PYY: variants seen among roughly 807,000 people sequenced by gnomAD.
PYY encodes peptide YY.
A neutral mutation model predicts 10.3 loss-of-function variants in PYY; 12 were observed. The ratio of observed to expected loss-of-function variants is 1.17; its 90% CI spans 0.75 to 1.89. PYY has a LOEUF of 1.89. Among genes scored for constraint, PYY ranks in the 40% most tolerant of loss-of-function variants. The pLI is 0.00. For synonymous variants in PYY, 66 were observed against 62.0 expected, an observed-to-expected ratio of 1.06 and a Z score of -0.30; for missense variants, 141 against 134.0, an observed-to-expected ratio of 1.05 and a Z score of -0.26.
At chr17:43,985,149 GA>G (rs2048907839) in intron 1 of PYY, among the ~76,000 whole-genome samples, 1 of 152,184 alleles carries the variant, frequency 6.6e-6, no homozygotes, top group South Asian at 2.1e-4. Flanking sequence ...TGGAATACAT[GA>G]AGAGTACCTA....
rs757523473 is a variant in PYY at position 43,952,810 on chromosome 17, G to A, written c.*146C>T. ...ACAGCCCTCCAGCCCAGGGGGCGGG[G>A]GCACCGAGACGCGGGCGGAGGGCCG... On this transcript the variant is annotated 3_prime_UTR_variant, in exon 4 of 4. Coordinates refer to ENST00000692052, the MANE Select transcript of PYY (RefSeq NM_001394028.1). 39 of 836,858 alleles carry A rather than the reference G, an allele frequency of 4.7e-5. No homozygotes were observed. Among genetic ancestry groups the A allele is most frequent in the Non-Finnish European group, 6.6e-5 (36 of 549,048 alleles). The allele number at this position is 836,858 out of a possible 1,614,324, so 51.8% of individuals were successfully genotyped here.
rs571204523 is a variant in PYY at position 43,987,698 on chromosome 17, C to G, written c.-463+16693G>C. On this transcript the variant is annotated intron_variant, in intron 1 of 6. Transcript: ENST00000360085. This position sits in a 1 kb window ranked among gnomAD's most constrained non-coding sequence, Gnocchi z 4.0. Reference sequence around the variant, plus strand: ...ACATTCACTGGGCCCCTCGTCTGTGCCAGTCCTTGCTCCAGGCACTGAGAG... The same window carrying G: ...ACATTCACTGGGCCCCTCGTCTGTGGCAGTCCTTGCTCCAGGCACTGAGAG... 6.6e-6 allele frequency among the ~76,000 whole-genome samples: 1 copy of G among 152,232 alleles called. No homozygotes were observed. Among genetic ancestry groups the G allele is most frequent in the African/African-American group, 2.4e-5 (1 of 41,458 alleles).
At chr17:43,963,566 AAGGAAAAGAAAGAAAGAAAGAAAG>A (rs1248436047) in intron 2 of PYY, among the ~76,000 whole-genome samples, 2 of 119,342 alleles carry the variant, frequency 1.7e-5, no homozygotes, top group African/African-American at 7.0e-5. Flanking sequence ...GGAAGGAAGG[AAGGAAAAGAAAGAAAGAAAGAAAG>A]AAAGAAAGAA....
chr17:43,960,268 C>T (rs1444881595), intron 2 of PYY, among the ~76,000 whole-genome samples: 3 of 152,118 alleles, frequency 2.0e-5, no homozygotes, highest in Admixed American at 6.6e-5. Flanking sequence ...TTTGGCCGGG[C>T]GCGGTAGCTC....
rs79930350 is a variant in PYY, at chr17:43,989,191, G to A, written c.-463+15200C>T. Among the ~76,000 whole-genome samples, 410 of 152,012 alleles carry A rather than the reference G, an allele frequency of 2.7e-3. 6 individuals are homozygous for A. In the East Asian group the frequency reaches 0.053, roughly 20 times the overall value. On this transcript the variant is annotated intron_variant, in intron 1 of 6. Coordinates refer to the PYY transcript ENST00000360085. ...AGATCAAGACCATCCTGGCTAACAC[G>A]GTGAAACCCCGTCTCTGCTAAAAAT...
chr17:43,974,086 C>A (rs1196455180), intron 1 of PYY, among the ~76,000 whole-genome samples: 2 of 152,132 alleles, frequency 1.3e-5, no homozygotes, highest in African/African-American at 4.8e-5. Flanking sequence ...CCCTTCTCCC[C>A]TTCCCATTGC....
intron 2 of PYY, among the ~76,000 whole-genome samples, chr17:43,963,243 C>T (rs2048724480): frequency 6.6e-6 from 1 of 152,120 alleles, no homozygotes. Flanking sequence ...CACGGTGGCT[C>T]ATCCCTGTAA....
At chr17:43,986,983 C>T (rs1490628672) in intron 1 of PYY, among the ~76,000 whole-genome samples, 2 of 152,184 alleles carry the variant, frequency 1.3e-5, no homozygotes, top group African/African-American at 2.4e-5. Context: ...AGAGATTATG[C>T]GACCTGCCCA....
chr17:43,986,520 C>A (rs1191964514), intron 1 of PYY, among the ~76,000 whole-genome samples: 1 of 152,178 alleles, frequency 6.6e-6, no homozygotes, highest in Non-Finnish European at 1.5e-5. Flanking sequence ...AATATTGTGG[C>A]ACCAGACAAG....
chr17:43,957,745 G>A (rs1178155845), upstream of PYY, among the ~76,000 whole-genome samples: 2 of 152,132 alleles, frequency 1.3e-5, no homozygotes, highest in Non-Finnish European at 2.9e-5. Flanking sequence ...GGGTGTAGTG[G>A]CTCATGTCTT....
chr17:43,969,903 C>T (rs1012948517), intron 1 of PYY, among the ~76,000 whole-genome samples: 6 of 151,716 alleles, frequency 4.0e-5, no homozygotes, highest in Admixed American at 2.0e-4. Flanking sequence ...CCACCGCACC[C>T]GGCTAATTTT....
At chr17:43,978,346 G>A (rs1033128685) in intron 1 of PYY, among the ~76,000 whole-genome samples, 1 of 151,254 alleles carries the variant, frequency 6.6e-6, no homozygotes, top group African/African-American at 2.4e-5. Flanking sequence ...GGAAAGGAAG[G>A]AAAAGAGAGA....
At chr17:44,003,670 C>CAAAAAAAAAAAAA (rs34426332) in intron 1 of PYY, among the ~76,000 whole-genome samples, 3 of 17,094 alleles carry the variant, frequency 1.8e-4, no homozygotes, top group African/African-American at 2.0e-4. Context: ...AACAAACAAA[C>CAAAAAAAAAAAAA]AAAAAAAAAA....
chr17:43,984,781 G>A (rs1049301211), intron 1 of PYY, among the ~76,000 whole-genome samples: 5 of 152,240 alleles, frequency 3.3e-5, no homozygotes, highest in African/African-American at 1.2e-4. Flanking sequence ...TCAGGCACCA[G>A]TCAGCTCTGA....
upstream of PYY, among the ~76,000 whole-genome samples, chr17:43,958,669 C>T (rs1288841588): frequency 6.6e-6 from 1 of 152,120 alleles, no homozygotes; most frequent in Non-Finnish European, 1.5e-5. Context: ...TGTGAGCCAC[C>T]ACACCCGGCC....
At chr17:43,971,845 A>G (rs1213387355) in intron 1 of PYY, among the ~76,000 whole-genome samples, 1 of 151,986 alleles carries the variant, frequency 6.6e-6, no homozygotes, top group Non-Finnish European at 1.5e-5. Flanking sequence ...CATAGAACAA[A>G]AGTTTTTATT....
intron 2 of PYY, among the ~76,000 whole-genome samples, chr17:43,960,996 A>G (rs901871150): frequency 6.6e-6 from 1 of 151,624 alleles, no homozygotes; most frequent in Non-Finnish European, 1.5e-5. Context: ...CTGAGGCAGG[A>G]GGACACTTGA....
chr17:43,974,655 A>T (rs2048817066), intron 1 of PYY, among the ~76,000 whole-genome samples: 1 of 152,100 alleles, frequency 6.6e-6, no homozygotes, highest in Admixed American at 6.6e-5. Flanking sequence ...TTTTCTTGCT[A>T]TTGTTTGCAA....
chr17:43,973,916 C>T (rs1487640709), intron 1 of PYY, among the ~76,000 whole-genome samples: 1 of 152,164 alleles, frequency 6.6e-6, no homozygotes, highest in Non-Finnish European at 1.5e-5. Context: ...TGCCAAACAA[C>T]TCGTTACAAA....
Sources: gnomAD v4.1 joint callset for allele counts (sites outside exome capture counted in the v4.1 genomes callset) on GRCh38, gnomAD v4.1.1 for gene constraint, Gnocchi (gnomAD v3.1) non-coding constraint, MANE v1.5 for transcripts, NCBI Gene and HGNC (gene_info 2026-07-23, HGNC 2026-07-21) for gene names.